The following MECOM variants were observed in gnomAD, a reference collection of about 807,000 sequenced individuals.
The protein encoded by MECOM is histone-lysine N-methyltransferase MECOM.
A neutral mutation model predicts 116.3 loss-of-function variants in MECOM; 13 were observed. That is an observed-to-expected ratio of 0.11 (90% CI 0.07 to 0.18). The LOEUF is 0.18. Among genes scored for constraint, MECOM ranks in the 10% least tolerant of loss-of-function variants. The pLI is 1.00. For missense variants in MECOM, 1,299 were observed against 1,509.0 expected, an observed-to-expected ratio of 0.86 and a Z score of 2.31; for synonymous variants, 528 against 535.2, an observed-to-expected ratio of 0.99 and a Z score of 0.19.
chr3:169,389,631 G>T, intron 1 of MECOM: 1 of 980,408 alleles, frequency 1.0e-6, no homozygotes, highest in Non-Finnish European at 1.2e-6. Flanking sequence ...TCATTTAGAG[G>T]AAAGTAGAAC....
chr3:169,325,723 G>T (rs775254744), intron 2 of MECOM, among the ~76,000 whole-genome samples: 1 of 152,106 alleles, frequency 6.6e-6, no homozygotes, highest in Non-Finnish European at 1.5e-5. Flanking sequence ...GCTCCTTTCA[G>T]CTCCCCTTTA....
chr3:169,345,308 T>C (rs923242424), intron 2 of MECOM, among the ~76,000 whole-genome samples: 2 of 152,078 alleles, frequency 1.3e-5, no homozygotes, highest in Non-Finnish European at 2.9e-5. Flanking sequence ...TTAAAGCTTA[T>C]GCATTTTTGG....
chr3:169,196,608 C>A (rs1748438593), intron 2 of MECOM, among the ~76,000 whole-genome samples: 1 of 152,008 alleles, frequency 6.6e-6, no homozygotes. Flanking sequence ...GAGTAGCATT[C>A]ACACTTTAAA....
chr3:169,636,978 G>A (rs902542339), intron 1 of MECOM, among the ~76,000 whole-genome samples: 1 of 152,138 alleles, frequency 6.6e-6, no homozygotes, highest in Non-Finnish European at 1.5e-5. Context: ...TCGTGCCCTT[G>A]TGTAGTCTCC....
intron 1 of MECOM, among the ~76,000 whole-genome samples, chr3:169,463,082 A>G (rs151159343): frequency 2.6e-4 from 40 of 152,328 alleles, no homozygotes; most frequent in African/African-American, 9.6e-4. Flanking sequence ...AAGATATTTC[A>G]TGGACAGTGT....
At chr3:169,396,807 T>TA (rs1045798758) in intron 1 of MECOM, among the ~76,000 whole-genome samples, 4 of 151,718 alleles carry the variant, frequency 2.6e-5, no homozygotes, top group African/African-American at 9.7e-5. Flanking sequence ...CTGTCACTAC[T>TA]AAAAAAAATA....
intron 1 of MECOM, among the ~76,000 whole-genome samples, chr3:169,461,692 A>G (rs1747470967): frequency 6.6e-6 from 1 of 152,178 alleles, no homozygotes; most frequent in Non-Finnish European, 1.5e-5. Flanking sequence ...GTGGTAAGTT[A>G]TAGACGCATA....
At chr3:169,516,502 C>CT (rs34321319) in intron 1 of MECOM, among the ~76,000 whole-genome samples, 3 of 151,764 alleles carry the variant, frequency 2.0e-5, no homozygotes, top group Admixed American at 6.6e-5. Flanking sequence ...AAAGAATGTT[C>CT]TTTTTTTTAA....
At chr3:169,426,888 T>C (rs1338095797) in intron 1 of MECOM, among the ~76,000 whole-genome samples, 3 of 152,230 alleles carry the variant, frequency 2.0e-5, no homozygotes, top group African/African-American at 7.2e-5. Context: ...ATGCCTACTA[T>C]GTGCCAGATA....
intron 1 of MECOM, among the ~76,000 whole-genome samples, chr3:169,575,454 G>T (rs1274463945): frequency 6.6e-6 from 1 of 152,168 alleles, no homozygotes; most frequent in Non-Finnish European, 1.5e-5. Flanking sequence ...TCCCCAGAGA[G>T]GAACAGACCT....
intron 1 of MECOM, among the ~76,000 whole-genome samples, chr3:169,547,171 G>T (rs529353324): frequency 1.3e-5 from 2 of 152,252 alleles, no homozygotes; most frequent in Non-Finnish European, 2.9e-5. Flanking sequence ...TCTCATAATA[G>T]TGAGTTCTCA....
chr3:169,398,322 T>C (rs552957302), intron 1 of MECOM, among the ~76,000 whole-genome samples: 18 of 152,228 alleles, frequency 1.2e-4, no homozygotes, highest in African/African-American at 4.3e-4. Context: ...TGGGGGCACA[T>C]AAATAATAAT....
chr3:169,575,772 A>G (rs1172652146), intron 1 of MECOM, among the ~76,000 whole-genome samples: 1 of 152,116 alleles, frequency 6.6e-6, no homozygotes, highest in African/African-American at 2.4e-5. Flanking sequence ...AAGGGGGGAA[A>G]CAGTCCCTGA....
At chr3:169,599,444 C>T (rs1286642802) in intron 1 of MECOM, among the ~76,000 whole-genome samples, 5 of 147,380 alleles carry the variant, frequency 3.4e-5, no homozygotes, top group East Asian at 4.1e-4. Context: ...ACCCAGGAGG[C>T]GGAGGTTGCA....
At chr3:169,484,987 C>CTCAT (rs1553867192) in intron 1 of MECOM, among the ~76,000 whole-genome samples, 69 of 151,632 alleles carry the variant, frequency 4.6e-4, no homozygotes, top group South Asian at 4.4e-3. Context: ...TTTACTCTTG[C>CTCAT]TTATTTATTT....
chr3:169,246,551 C>T (rs1238376263), intron 2 of MECOM, among the ~76,000 whole-genome samples: 10 of 128,784 alleles, frequency 7.8e-5, no homozygotes, highest in South Asian at 2.3e-4. Flanking sequence ...TTTTTTGAGA[C>T]GGAGTCTCAC....
rs112050953 is a variant in MECOM at position 169,551,066 on chromosome 3, G to A, written c.37+112270C>T. ...TCTCGATCTCCTGACCTCGTGATCC[G>A]CCCGCCTCGGCCTCCCAAAGTGCTG... On this transcript the variant is annotated intron_variant, in intron 1 of 16. Transcript: ENST00000651503. Among the ~76,000 whole-genome samples, 653 of 94,962 alleles carry A rather than the reference G, an allele frequency of 6.9e-3. 64 individuals are homozygous for A. The highest frequency in any genetic ancestry group is 0.02 in the African/African-American group (616 of 31,182). The allele number at this position is 94,962 out of a possible 152,430, so 62.3% of individuals were successfully genotyped here.
chr3:169,465,369 A>G (rs1560307887), intron 1 of MECOM, among the ~76,000 whole-genome samples: 1 of 152,184 alleles, frequency 6.6e-6, no homozygotes, highest in African/African-American at 2.4e-5. Flanking sequence ...TATTCCTAGT[A>G]TTGTTATTTA....
chr3:169,478,999 C>T lies in MECOM; in HGVS notation c.38-97475G>A, dbSNP rs1034658886. ...ATTCACCAAAATATTTGTTGATCAC[C>T]TATTATGTACCAGGCATAGAACTGA... On this transcript the variant is annotated intron_variant, in intron 1 of 16. Coordinates refer to ENST00000651503, the MANE Select transcript of MECOM (RefSeq NM_004991.4). Among the ~76,000 whole-genome samples, 7 of 152,244 alleles carry T rather than the reference C, an allele frequency of 4.6e-5. No individual in the cohort carries two copies. In the South Asian group the frequency reaches 8.3e-4, roughly 18 times the overall value.
Sources: gnomAD v4.1 joint callset for allele counts (sites outside exome capture counted in the v4.1 genomes callset) on GRCh38, gnomAD v4.1.1 for gene constraint, MANE v1.5 for transcripts, NCBI Gene and HGNC (gene_info 2026-07-23, HGNC 2026-07-21) for gene names.